NAAA: variants seen among roughly 807,000 people sequenced by gnomAD.
NAAA encodes the protein N-acylethanolamine acid amidase.
A neutral mutation model predicts 44.8 loss-of-function variants in NAAA; 39 were observed. The observed-to-expected ratio is 0.87, with a 90% CI of 0.67 to 1.14. The LOEUF (loss-of-function observed/expected upper bound fraction) is 1.14. NAAA is among the 50% of genes most tolerant of loss of function. The pLI is 0.00. For synonymous variants in NAAA, 178 were observed against 191.3 expected (o/e 0.93, Z 0.58); for missense variants, 460 against 467.8 (o/e 0.98, Z 0.15).
rs562867855 is a variant in NAAA, at chr4:75,925,953, T to C, written c.590-142A>G. On this transcript the variant is annotated intron_variant, in intron 4 of 10. Transcript: ENST00000286733. ...AATCTTTTGTACCAGGATACAATGA[T>C]AGTTATGTCAAAGGAAATAATTCTA... 41 of 739,666 alleles carry C rather than the reference T, an allele frequency of 5.5e-5. No homozygotes were observed. In the African/African-American group the frequency reaches 6.9e-4, roughly 12 times the overall value. 45.8% of individuals were successfully genotyped at this position (739,666 alleles called of 1,614,324 possible).
chr4:75,917,171 G>A, intron 9 of NAAA: 12 of 802,880 alleles, frequency 1.5e-5, no homozygotes, highest in Non-Finnish European at 1.8e-5. Flanking sequence ...CTATTAAAAG[G>A]GCAACATTGT....
At chr4:75,939,169 C>T (rs1365998131) in intron 2 of NAAA, among the ~76,000 whole-genome samples, 1 of 151,934 alleles carries the variant, frequency 6.6e-6, no homozygotes, top group Non-Finnish European at 1.5e-5. Flanking sequence ...CACATTTTAT[C>T]ATGCCCACTT....
At chr4:75,917,165 T>C in intron 9 of NAAA, 1 of 832,636 alleles carries the variant, frequency 1.2e-6, no homozygotes, top group Non-Finnish European at 1.4e-6. Flanking sequence ...AAATGACTAT[T>C]AAAAGGGCAA....
chr4:75,937,110 G>C (rs1160214897), intron 2 of NAAA, among the ~76,000 whole-genome samples: 1 of 152,128 alleles, frequency 6.6e-6, no homozygotes, highest in African/African-American at 2.4e-5. Context: ...CTTTTTGTTT[G>C]TTTGTTTTAA....
At chr4:75,915,483 G>A (rs899099806) in intron 9 of NAAA, among the ~76,000 whole-genome samples, 11 of 152,234 alleles carry the variant, frequency 7.2e-5, no homozygotes, top group South Asian at 2.1e-4. Flanking sequence ...TGACATCACC[G>A]CCTTCACATT....
intron 4 of NAAA, among the ~76,000 whole-genome samples, chr4:75,929,666 T>G (rs1020266178): frequency 6.6e-6 from 1 of 152,178 alleles, no homozygotes; most frequent in Non-Finnish European, 1.5e-5. Context: ...TGAGAACCAG[T>G]ACTATACATA....
downstream of NAAA, among the ~76,000 whole-genome samples, chr4:75,911,702 G>A (rs974220277): frequency 5.3e-5 from 8 of 152,180 alleles, no homozygotes; most frequent in African/African-American, 1.9e-4. Context: ...AGGTGCTATA[G>A]TAGTGATGTT....
At chr4:75,931,437 T>C in intron 3 of NAAA, 133 bp from the exon 4 acceptor site, 1 of 593,286 alleles carries the variant, frequency 1.7e-6, no homozygotes, top group Non-Finnish European at 2.9e-6. Context: ...TCTGAAATAG[T>C]CTTCTAAGAC....
intron 4 of NAAA, among the ~76,000 whole-genome samples, chr4:75,929,411 G>A (rs773511682): frequency 7.9e-5 from 12 of 152,174 alleles, no homozygotes; most frequent in Non-Finnish European, 1.2e-4. Flanking sequence ...CCACGTAGCT[G>A]GGACTACAGG....
intron 3 of NAAA, 193 bp downstream of exon 3, chr4:75,935,916 A>C (rs771881002): frequency 1.7e-5 from 11 of 654,812 alleles, no homozygotes; most frequent in Non-Finnish European, 2.6e-5. Flanking sequence ...ACACTGAATA[A>C]TAAATAATAA....
intron 2 of NAAA, among the ~76,000 whole-genome samples, chr4:75,938,164 T>G (rs1199937536): frequency 6.6e-6 from 1 of 152,184 alleles, no homozygotes; most frequent in East Asian, 1.9e-4. Flanking sequence ...TGGCACCCAG[T>G]AGGCTCAATA....
At position 75,940,118 on chromosome 4, in the gene NAAA, A is replaced by G. The variant is rs1211997962; in HGVS notation, c.254T>C (p.Leu85Pro). 6.2e-7 allele frequency: 1 copy of G among 1,614,048 alleles called. No individual in the cohort carries two copies. Among genetic ancestry groups the G allele is most frequent in the Admixed American group, 1.7e-5 (1 of 60,000 alleles). Residue 85 changes from leucine to proline, a missense_variant, in exon 2 of 11, where the codon CTG (leucine) becomes CCG (proline). Transcript: ENST00000286733. ...CTGGGGCAGGAAGCGCTCCAGCTCC[A>G]GGACCACTTTTCCGATTAACACGTG... ...WVHVLIGKVV[L>P]ELERFLPQPF...
intron 8 of NAAA, 125 bp from the exon 9 acceptor site, chr4:75,918,914 G>A: frequency 1.2e-5 from 10 of 843,982 alleles, no homozygotes; most frequent in Admixed American, 2.0e-5. Flanking sequence ...AAGCCGACGT[G>A]GGAGGATTAC....
At chr4:75,912,957 C>T (rs766510650), downstream of NAAA, among the ~76,000 whole-genome samples, 7 of 152,068 alleles carry the variant, frequency 4.6e-5, no homozygotes, top group South Asian at 2.1e-4. Context: ...CCACTAGAGA[C>T]GTCTGCAGTA....
intron 7 of NAAA, 149 bp downstream of exon 7, chr4:75,920,589 C>A: frequency 1.1e-6 from 1 of 931,320 alleles, no homozygotes; most frequent in East Asian, 2.5e-5. Context: ...ACAACACTCC[C>A]TTCCCAGCCA....
chr4:75,921,740 G>A (rs1726185529), intron 5 of NAAA, among the ~76,000 whole-genome samples: 1 of 152,216 alleles, frequency 6.6e-6, no homozygotes, highest in South Asian at 2.1e-4. Context: ...GAAAGTGGTG[G>A]TTGCAGGGTG....
Position 75,939,984 on chromosome 4 carries a change from G to A in NAAA, c.371+17C>T, listed in dbSNP as rs6847716. ...CCGCAAGCCCCGCGTTACTCCGCGC[G>A]GGCTTGGGGCACTCACACGGAGGAC... On this transcript the variant is annotated intron_variant, in intron 2 of 10. Coordinates refer to ENST00000286733, the MANE Select transcript of NAAA (RefSeq NM_014435.4). 1.2e-6 allele frequency: 2 copies of A among 1,610,846 alleles called. No homozygotes were observed. Among genetic ancestry groups the A allele is most frequent in the African/African-American group, 2.7e-5 (2 of 74,764 alleles).
At chr4:75,919,753 CAGGTGTG>C in intron 8 of NAAA, 149 bp downstream of exon 8, 1 of 718,188 alleles carries the variant, frequency 1.4e-6, no homozygotes, top group Non-Finnish European at 2.4e-6. Context: ...GCTGGGATTA[CAGGTGTG>C]AGCCACCACT....
At chr4:75,931,090 C>G in intron 4 of NAAA, 124 bp downstream of exon 4, 1 of 694,108 alleles carries the variant, frequency 1.4e-6, no homozygotes, top group Non-Finnish European at 2.5e-6. Context: ...CTTTCTCCCC[C>G]TAGGATGGAA....
Sources: gnomAD v4.1 joint callset for allele counts (sites outside exome capture counted in the v4.1 genomes callset) on GRCh38, gnomAD v4.1.1 for gene constraint, MANE v1.5 for transcripts, NCBI Gene and HGNC (gene_info 2026-07-23, HGNC 2026-07-21) for gene names.